Variants in RIMS2 observed in about 807,000 individuals in gnomAD.
The protein encoded by RIMS2 is regulating synaptic membrane exocytosis protein 2.
RIMS2 carries 59 observed loss-of-function variants against 174.4 expected under a neutral mutation model. The ratio of observed to expected loss-of-function variants is 0.34; its 90% CI spans 0.27 to 0.42. RIMS2 has a LOEUF of 0.42. Among genes scored for constraint, RIMS2 ranks in the 10% least tolerant of loss-of-function variants. The pLI is 1.00. For missense variants in RIMS2, 1,620 were observed against 1,666.3 expected (o/e 0.97, Z 0.48); for synonymous variants, 606 against 572.5 (o/e 1.06, Z -0.84).
chr8:104,188,490 C>T (rs927652291), intron 19 of RIMS2, among the ~76,000 whole-genome samples: 2 of 151,270 alleles, frequency 1.3e-5, no homozygotes, highest in Non-Finnish European at 1.5e-5. Context: ...TCCTAGATAC[C>T]CAACTACAAA....
chr8:103,552,831 AC>A (rs1250327895), intron 1 of RIMS2, among the ~76,000 whole-genome samples: 1 of 152,250 alleles, frequency 6.6e-6, no homozygotes, highest in Non-Finnish European at 1.5e-5. Flanking sequence ...TGCAGCCAAA[AC>A]ACACATGAAA....
At chr8:103,876,869 T>TATATATATATATATATATATATAG (rs2099141355) in intron 3 of RIMS2, among the ~76,000 whole-genome samples, 1 of 18,010 alleles carries the variant, frequency 5.6e-5, no homozygotes, top group Non-Finnish European at 1.1e-4. Context: ...CTATTTTATA[T>TATATATATATATATATATATATAG]ATATATATAT....
intron 17 of RIMS2, among the ~76,000 whole-genome samples, chr8:104,001,662 T>G: frequency 6.6e-6 from 1 of 152,160 alleles, no homozygotes; most frequent in Admixed American, 6.6e-5. Flanking sequence ...CTCTACTAAC[T>G]TTCTAAGTTT....
chr8:103,561,230 A>G (rs2091539263), intron 1 of RIMS2, among the ~76,000 whole-genome samples: 1 of 116,904 alleles, frequency 8.6e-6, no homozygotes, highest in African/African-American at 3.0e-5. Flanking sequence ...GGCTTAACAA[A>G]GAGCAATTTT....
At chr8:103,996,883 T>C (rs908332843) in intron 17 of RIMS2, among the ~76,000 whole-genome samples, 1 of 151,884 alleles carries the variant, frequency 6.6e-6, no homozygotes, top group African/African-American at 2.4e-5. Flanking sequence ...GTATATGAAC[T>C]GAACTATAAG....
chr8:103,990,532 A>C (rs545014862), intron 17 of RIMS2, among the ~76,000 whole-genome samples: 1 of 152,114 alleles, frequency 6.6e-6, no homozygotes, highest in Admixed American at 6.5e-5. Flanking sequence ...TTTAGGGGTA[A>C]TTATAGACAT....
intron 3 of RIMS2, among the ~76,000 whole-genome samples, chr8:103,795,557 T>G (rs769699075): frequency 1.1e-4 from 17 of 152,100 alleles, no homozygotes; most frequent in Non-Finnish European, 2.1e-4. Flanking sequence ...TGTGTACATG[T>G]ATCCTAGAAA....
chr8:103,842,474 CTTA>C lies in RIMS2; in HGVS notation c.699-42819_699-42817del, dbSNP rs150060873. On this transcript the variant is annotated intron_variant, in intron 3 of 23. Transcript: ENST00000504942. ...ATAAGAAACACTAAGTAAATAATAA[CTTA>C]TTATAATTAATTAATTATTATCAAT... 9.8e-3 allele frequency among the ~76,000 whole-genome samples: 1,487 copies of C among 152,006 alleles called. 21 individuals are homozygous for C. Among genetic ancestry groups the C allele is most frequent in the African/African-American group, 0.033 (1,373 of 41,470 alleles).
At chr8:103,886,697 T>C (rs73697694) in intron 4 of RIMS2, among the ~76,000 whole-genome samples, 5,463 of 151,824 alleles carry the variant, frequency 0.036, 303 homozygotes, top group African/African-American at 0.12. Context: ...TTCCTATGCA[T>C]GTATGGTTTA....
intron 3 of RIMS2, among the ~76,000 whole-genome samples, chr8:103,789,003 C>T (rs932251021): frequency 2.6e-5 from 4 of 152,204 alleles, no homozygotes; most frequent in Admixed American, 6.5e-5. Flanking sequence ...TTCGGAAAAG[C>T]GCAGTATTCG....
intron 19 of RIMS2, among the ~76,000 whole-genome samples, chr8:104,050,060 G>C (rs1482651179): frequency 6.6e-6 from 1 of 152,000 alleles, no homozygotes; most frequent in Non-Finnish European, 1.5e-5. Flanking sequence ...TTATAAAATA[G>C]CCAAATAACC....
chr8:103,874,302 A>G (rs1295585522), intron 3 of RIMS2, among the ~76,000 whole-genome samples: 1 of 152,074 alleles, frequency 6.6e-6, no homozygotes, highest in African/African-American at 2.4e-5. Flanking sequence ...CAGAAATGGT[A>G]CATTCTGATT....
intron 1 of RIMS2, among the ~76,000 whole-genome samples, chr8:103,686,610 C>T (rs1396519982): frequency 6.6e-6 from 1 of 152,080 alleles, no homozygotes; most frequent in Non-Finnish European, 1.5e-5. Context: ...AAATGTGGTT[C>T]CAAACTTACA....
intron 9 of RIMS2, among the ~76,000 whole-genome samples, chr8:103,919,278 G>C (rs78159752): frequency 0.011 from 1,738 of 152,230 alleles, 47 homozygotes; most frequent in African/African-American, 0.04. Context: ...GTACAGGATA[G>C]GTGGATGCAA....
intron 1 of RIMS2, among the ~76,000 whole-genome samples, chr8:103,675,335 T>A (rs2096794891): frequency 6.6e-6 from 1 of 152,144 alleles, no homozygotes; most frequent in Non-Finnish European, 1.5e-5. Flanking sequence ...TGAATTTACA[T>A]ATTAGGTGTA....
chr8:104,185,973 T>A (rs2098965823), intron 19 of RIMS2, among the ~76,000 whole-genome samples: 1 of 151,596 alleles, frequency 6.6e-6, no homozygotes, highest in South Asian at 2.1e-4. Flanking sequence ...AGATATAGAA[T>A]CAACCTAAGT....
At chr8:103,711,897 A>AT (rs2097308333) in intron 2 of RIMS2, among the ~76,000 whole-genome samples, 2 of 149,198 alleles carry the variant, frequency 1.3e-5, no homozygotes, top group African/African-American at 2.5e-5. Flanking sequence ...CCCCATCTGA[A>AT]ATATATATAT....
intron 19 of RIMS2, among the ~76,000 whole-genome samples, chr8:104,100,472 GT>G (rs2097850419): frequency 6.6e-6 from 1 of 151,766 alleles, no homozygotes; most frequent in African/African-American, 2.4e-5. Flanking sequence ...TGCTATGTTG[GT>G]TAACTTATGG....
At chr8:104,091,599 T>A (rs1162667276) in intron 19 of RIMS2, among the ~76,000 whole-genome samples, 3 of 150,138 alleles carry the variant, frequency 2.0e-5, no homozygotes, top group Admixed American at 1.3e-4. Context: ...TGTATAGATA[T>A]ATCATTTATT....
Sources: allele counts gnomAD v4.1 joint callset (sites outside exome capture counted in the v4.1 genomes callset), GRCh38; gene constraint gnomAD v4.1.1; transcripts MANE v1.5; gene names NCBI Gene and HGNC (gene_info 2026-07-23, HGNC 2026-07-21).